The following EPS15 variants were observed in gnomAD, a reference collection of about 807,000 sequenced individuals.
The protein encoded by EPS15 is epidermal growth factor receptor substrate 15.
In EPS15, 72 loss-of-function variants were observed where a neutral mutation model predicts 113.8. That is an observed-to-expected ratio of 0.63 (90% CI 0.52 to 0.77). EPS15 has a LOEUF of 0.77. EPS15 is among the 30% of genes least tolerant of loss of function. The pLI is 0.00. For missense variants in EPS15, 1,048 were observed against 1,045.8 expected, an observed-to-expected ratio of 1.00 and a Z score of -0.03; for synonymous variants, 344 against 363.4, an observed-to-expected ratio of 0.95 and a Z score of 0.61.
intron 21 of EPS15, among the ~76,000 whole-genome samples, chr1:51,373,859 G>A (rs1251207596): frequency 6.6e-6 from 1 of 152,142 alleles, no homozygotes; most frequent in Non-Finnish European, 1.5e-5. Flanking sequence ...GCTGAGGCAG[G>A]AGAATCACTT....
intron 1 of EPS15, among the ~76,000 whole-genome samples, chr1:51,505,251 T>C (rs1644478921): frequency 6.6e-6 from 1 of 152,346 alleles, no homozygotes; most frequent in Admixed American, 6.5e-5. Context: ...AAAGCATTAT[T>C]CATAACAGCC....
chr1:51,447,125 C>A lies in EPS15; in HGVS notation c.652-20G>T. 6.3e-7 allele frequency: 1 copy of A among 1,576,336 alleles called. No individual in the cohort carries two copies. Among genetic ancestry groups the A allele is most frequent in the Non-Finnish European group, 8.6e-7 (1 of 1,167,626 alleles). On this transcript the variant is annotated intron_variant, in intron 9 of 24. Coordinates refer to ENST00000371733, the MANE Select transcript of EPS15 (RefSeq NM_001981.3). ...AACCCACTACAGGGAGGAAAAAAAACAGTATTTCTGCCAAAATGAAACAAA... is the reference window on the plus strand; with the variant it reads ...AACCCACTACAGGGAGGAAAAAAAAAAGTATTTCTGCCAAAATGAAACAAA...
At chr1:51,472,757 CTTCTAAAT>C in intron 3 of EPS15, 94 bp downstream of exon 3, 1 of 868,046 alleles carries the variant, frequency 1.2e-6, no homozygotes. Flanking sequence ...TCGGTTCTAA[CTTCTAAAT>C]TTCTTGATGG....
chr1:51,472,933 T>C lies in EPS15; in HGVS notation c.91A>G (p.Thr31Ala), dbSNP rs770731358. The change falls in exon 3 of 25, where the codon ACT (threonine) becomes GCT (alanine). Residue 31 changes from threonine (T) to alanine (A), a missense_variant. Coordinates refer to ENST00000371733, the MANE Select transcript of EPS15 (RefSeq NM_001981.3). ...KYYRQVDTGN[T>A]GRVLASDAAA... The stretch of plus-strand genomic sequence containing the variant: ...GCATCAGAAGCCAACACCCTTCCAG[T>C]ATTGCCTGTATCAACCTGAAAAGAT... 5.0e-6 allele frequency: 8 copies of C among 1,613,214 alleles called. No individual in the cohort carries two copies. In the African/African-American group the frequency reaches 1.1e-4, roughly 22 times the overall value.
intron 21 of EPS15, chr1:51,372,334 A>G (rs1646676989): frequency 3.8e-6 from 2 of 533,006 alleles, no homozygotes; most frequent in Non-Finnish European, 7.7e-6. Flanking sequence ...GATCATTTCA[A>G]CCGAATCAGC....
intron 6 of EPS15, among the ~76,000 whole-genome samples, chr1:51,464,877 A>C (rs949380652): frequency 6.6e-6 from 1 of 152,246 alleles, no homozygotes; most frequent in Non-Finnish European, 1.5e-5. Context: ...AAAAACTATA[A>C]TGCAAAATAC....
intron 21 of EPS15, among the ~76,000 whole-genome samples, chr1:51,388,296 G>A (rs1353328938): frequency 8.5e-5 from 13 of 152,186 alleles, no homozygotes; most frequent in Non-Finnish European, 1.5e-5. Context: ...CAACATACCA[G>A]AATCTCTGGG....
At chr1:51,362,793 T>G (rs1646416985) in intron 23 of EPS15, among the ~76,000 whole-genome samples, 1 of 152,064 alleles carries the variant, frequency 6.6e-6, no homozygotes, top group South Asian at 2.1e-4. Context: ...TCCCAAGGAA[T>G]GAGGTATGAT....
At chr1:51,392,032 C>T (rs555271312) in intron 21 of EPS15, among the ~76,000 whole-genome samples, 1 of 152,124 alleles carries the variant, frequency 6.6e-6, no homozygotes, top group African/African-American at 2.4e-5. Context: ...CAGATGAGTT[C>T]CCCCAAGGGA....
At position 51,440,974 on chromosome 1, in the gene EPS15, T is replaced by C. The variant is rs995004969; in HGVS notation, c.955-542A>G. On this transcript the variant is annotated intron_variant, in intron 11 of 24. Transcript: ENST00000371733. ...CCAACTGCTCAAGCATGTTCCATAATAAATATTAATACCATCATATATGAA... is the reference window on the plus strand; with the variant it reads ...CCAACTGCTCAAGCATGTTCCATAACAAATATTAATACCATCATATATGAA... 3.9e-5 allele frequency among the ~76,000 whole-genome samples: 6 copies of C among 152,088 alleles called. No homozygotes were observed. The South Asian group carries it at 1.2e-3, about 31-fold the overall frequency.
chr1:51,383,122 A>G (rs969196003), intron 21 of EPS15, among the ~76,000 whole-genome samples: 2 of 152,268 alleles, frequency 1.3e-5, no homozygotes, highest in African/African-American at 4.8e-5. Context: ...ATGAGGGGAA[A>G]AATACAACAC....
At chr1:51,439,775 T>C (rs1389691938) in intron 12 of EPS15, among the ~76,000 whole-genome samples, 3 of 151,998 alleles carry the variant, frequency 2.0e-5, no homozygotes, top group African/African-American at 7.2e-5. Context: ...CTTGTATCAT[T>C]TTGGGCAAAA....
intron 1 of EPS15, among the ~76,000 whole-genome samples, chr1:51,484,779 T>C (rs892590766): frequency 6.6e-6 from 1 of 152,220 alleles, no homozygotes; most frequent in African/African-American, 2.4e-5. Flanking sequence ...CTCCTGTTGG[T>C]TACCTGGTAT....
chr1:51,393,375 A>G (rs1359147829), intron 21 of EPS15, among the ~76,000 whole-genome samples: 3 of 152,124 alleles, frequency 2.0e-5, no homozygotes, highest in Non-Finnish European at 4.4e-5. Context: ...ATACCTGGCT[A>G]ATTTTTGCAT....
chr1:51,461,426 T>C (rs1234653442), intron 7 of EPS15, among the ~76,000 whole-genome samples: 2 of 148,778 alleles, frequency 1.3e-5, no homozygotes, highest in African/African-American at 5.0e-5. Context: ...GAGGCTGAGG[T>C]AGGAGGATCC....
At chr1:51,473,801 C>T (rs1655411180) in intron 2 of EPS15, among the ~76,000 whole-genome samples, 1 of 152,118 alleles carries the variant, frequency 6.6e-6, no homozygotes, top group Non-Finnish European at 1.5e-5. Flanking sequence ...GCATTCTAGA[C>T]AGTCCAATCC....
intron 1 of EPS15, among the ~76,000 whole-genome samples, chr1:51,494,314 C>T (rs567191819): frequency 6.6e-6 from 1 of 152,306 alleles, no homozygotes; most frequent in Admixed American, 6.5e-5. Context: ...ATCCTTTGAC[C>T]TCTATAAAAC....
intron 21 of EPS15, among the ~76,000 whole-genome samples, chr1:51,376,694 T>C (rs1646808336): frequency 1.3e-5 from 2 of 151,968 alleles, no homozygotes; most frequent in African/African-American, 4.8e-5. Flanking sequence ...AACCCAAAAA[T>C]CTGCTCACTG....
intron 1 of EPS15, among the ~76,000 whole-genome samples, chr1:51,506,337 A>G (rs1387281841): frequency 2.6e-5 from 4 of 152,322 alleles, no homozygotes; most frequent in Admixed American, 2.6e-4. Context: ...AAATCAACTC[A>G]GTAGATTTAC....
Sources: gnomAD v4.1 joint callset for allele counts (sites outside exome capture counted in the v4.1 genomes callset) on GRCh38, gnomAD v4.1.1 for gene constraint, MANE v1.5 for transcripts, NCBI Gene and HGNC (gene_info 2026-07-23, HGNC 2026-07-21) for gene names.